Variants in CELF2 observed in about 807,000 individuals in gnomAD.
CELF2 encodes CUGBP Elav-like family member 2.
In CELF2, 8 loss-of-function variants were observed where a neutral mutation model predicts 62.6. The ratio of observed to expected loss-of-function variants is 0.13; its 90% CI spans 0.07 to 0.23. The LOEUF (loss-of-function observed/expected upper bound fraction) is 0.23. CELF2 is among the 10% of genes least tolerant of loss of function. The probability of loss-of-function intolerance (pLI) is 1.00; values close to 1 mark genes in which losing one functional copy is unlikely to be tolerated. For synonymous variants in CELF2, 258 were observed against 250.0 expected, an observed-to-expected ratio of 1.03 and a Z score of -0.30; for missense variants, 333 against 671.0, an observed-to-expected ratio of 0.50 and a Z score of 5.56.
At chr10:10,682,202 G>A in the CELF2 span, among the ~76,000 whole-genome samples, 1 of 152,134 alleles carries the variant, frequency 6.6e-6, no homozygotes, top group Non-Finnish European at 1.5e-5. Flanking sequence ...ATCAATTAAT[G>A]CAGCAATATT....
At chr10:10,819,817 G>T (rs1321339990) in intron 1 of CELF2, among the ~76,000 whole-genome samples, 1 of 152,076 alleles carries the variant, frequency 6.6e-6, no homozygotes, top group Non-Finnish European at 1.5e-5. Context: ...CCCACCCATT[G>T]TCAACTGTCT....
intron 3 of CELF2, 101 bp from the exon 4 acceptor site, chr10:11,249,052 G>T: frequency 1.1e-6 from 1 of 882,736 alleles, no homozygotes; most frequent in Non-Finnish European, 1.9e-6. Flanking sequence ...TGTCACTTAT[G>T]TGCCCTTAAA....
Position 10,983,960 on chromosome 10 carries a change from A to G in CELF2, c.89+63961A>G, listed in dbSNP as rs2136458305. On this transcript the variant is annotated intron_variant, in intron 2 of 13. Coordinates refer to the CELF2 transcript ENST00000636488. This position sits in a 1 kb window ranked among gnomAD's most constrained non-coding sequence, Gnocchi z 5.2. ...ATGTAACCTCTGAGTCAACTACTGA[A>G]CTATTAAGTTGCGAATGGAAGACTT... Among the ~76,000 whole-genome samples, 1 of 152,344 alleles carries G rather than the reference A, an allele frequency of 6.6e-6. No homozygotes were observed. The highest frequency in any genetic ancestry group is 2.4e-5 in the African/African-American group (1 of 41,580).
the CELF2 span, among the ~76,000 whole-genome samples, chr10:10,695,281 G>C: frequency 6.9e-6 from 1 of 145,130 alleles, no homozygotes; most frequent in Non-Finnish European, 1.5e-5. Context: ...AGTTTGGCTG[G>C]ATATGAAATT....
chr10:10,585,701 C>G, the CELF2 span, among the ~76,000 whole-genome samples: 2 of 152,188 alleles, frequency 1.3e-5, no homozygotes, highest in Non-Finnish European at 2.9e-5. Context: ...AGAGAAGTCT[C>G]TCTCTTCACT....
the CELF2 span, among the ~76,000 whole-genome samples, chr10:10,609,403 G>A: frequency 7.8e-6 from 1 of 127,708 alleles, no homozygotes; most frequent in South Asian, 2.3e-4. Context: ...GTGCAACATA[G>A]AAAATGGTTA....
rs186924022 is a variant in CELF2 at position 10,799,805 on chromosome 10, G to T, written c.53+988G>T. Among the ~76,000 whole-genome samples, 88 of 152,246 alleles carry T rather than the reference G, an allele frequency of 5.8e-4. 1 individual carries two copies. In the Middle Eastern group the frequency reaches 0.017, roughly 29 times the overall value. ...CTACCTTGGCAGAGTTAATTCTTGG[G>T]CTTCACTGACTGTAAATGGTATTTC... is the stretch of plus-strand genomic sequence containing the variant. On this transcript the variant is annotated intron_variant, in intron 1 of 13. Transcript: ENST00000636488.
intron 1 of CELF2, among the ~76,000 whole-genome samples, chr10:11,115,570 T>C (rs71491564): frequency 6.2e-4 from 94 of 152,300 alleles, no homozygotes; most frequent in African/African-American, 2.2e-3. Flanking sequence ...CACTGTTGAT[T>C]GGCGCCAGTG....
chr10:10,568,160 TGAA>T, the CELF2 span, among the ~76,000 whole-genome samples: 5 of 151,994 alleles, frequency 3.3e-5, no homozygotes, highest in African/African-American at 1.2e-4. Flanking sequence ...AAAGAATAAA[TGAA>T]GAAGTTGAGA....
intron 1 of CELF2, among the ~76,000 whole-genome samples, chr10:10,891,905 C>T (rs1257606775): frequency 1.3e-5 from 2 of 152,170 alleles, no homozygotes; most frequent in South Asian, 4.1e-4. Flanking sequence ...GCAAATAGCA[C>T]AGTATATACT....
rs1478522375 is a variant in CELF2 at position 11,010,272 on chromosome 10, T to G, written c.53+4832T>G. 1 of 152,216 alleles carries G rather than the reference T, an allele frequency of 6.6e-6. No individual in the cohort carries two copies. 9.4% of individuals were successfully genotyped at this position (152,216 alleles called of 1,614,324 possible). On this transcript the variant is annotated intron_variant, in intron 1 of 12. Transcript: ENST00000416382. The surrounding 1 kb of genome is among the most constrained non-coding windows in gnomAD (Gnocchi z 4.1). ...ACGAATGGAGACCCCATTCCAAGCC[T>G]CAGGATGTTCGGTGCCTGCTCTCCA...
At chr10:10,720,065 G>T in the CELF2 span, among the ~76,000 whole-genome samples, 1 of 152,112 alleles carries the variant, frequency 6.6e-6, no homozygotes, top group South Asian at 2.1e-4. Context: ...ATCCACTTGG[G>T]CTGCGTTTCA....
chr10:10,512,489 C>T, the CELF2 span, among the ~76,000 whole-genome samples: 3 of 150,630 alleles, frequency 2.0e-5, no homozygotes, highest in East Asian at 5.8e-4. Context: ...TCACTGCAAC[C>T]TCCGCCTCCC....
chr10:10,551,950 C>T, the CELF2 span, among the ~76,000 whole-genome samples: 3 of 151,720 alleles, frequency 2.0e-5, no homozygotes, highest in Non-Finnish European at 4.4e-5. Context: ...TTTCAGGGTG[C>T]TTTTTTTTCT....
Position 11,336,545 on chromosome 10 carries a change from A to AT in CELF2, c.*7497dup, listed in dbSNP as rs2096121393. On this transcript the variant is annotated 3_prime_UTR_variant, in exon 13 of 13. Transcript: ENST00000633077. This position sits in a 1 kb window ranked among gnomAD's most constrained non-coding sequence, Gnocchi z 5.4. ...TGTTGTGTGTAAAGTTAATGTGATTATTTTTCAAAGCAGTGTTTCTAAGGG... is the reference window on the plus strand; with the variant it reads ...TGTTGTGTGTAAAGTTAATGTGATTATTTTTTCAAAGCAGTGTTTCTAAGGG... The AT allele has an allele frequency of 6.6e-6, 1 of 152,600 alleles. No homozygotes were observed. Among genetic ancestry groups the AT allele is most frequent in the Admixed American group, 6.5e-5 (1 of 15,274 alleles). 9.5% of individuals were successfully genotyped at this position (152,600 alleles called of 1,614,324 possible).
At chr10:11,087,516 G>A (rs954323258) in intron 1 of CELF2, among the ~76,000 whole-genome samples, 10 of 152,206 alleles carry the variant, frequency 6.6e-5, no homozygotes, top group African/African-American at 1.9e-4. Context: ...GTCGACTGAC[G>A]TAGAACATGG....
At chr10:11,141,421 T>C (rs2061342329) in intron 1 of CELF2, among the ~76,000 whole-genome samples, 1 of 152,144 alleles carries the variant, frequency 6.6e-6, no homozygotes, top group South Asian at 2.1e-4. Flanking sequence ...GGCTATAAAA[T>C]AAGCCACAAG....
chr10:10,882,405 C>T (rs1010216272), intron 1 of CELF2, among the ~76,000 whole-genome samples: 5 of 152,230 alleles, frequency 3.3e-5, no homozygotes, highest in Non-Finnish European at 1.5e-5. Flanking sequence ...TATCTCCATT[C>T]TGTCGTGACT....
At position 11,177,404 on chromosome 10, in the gene CELF2, T is replaced by C. The variant is rs2071595989; in HGVS notation, c.271+11722T>C. Among the ~76,000 whole-genome samples, 1 of 150,524 alleles carries C rather than the reference T, an allele frequency of 6.6e-6. No homozygotes were observed. Among genetic ancestry groups the C allele is most frequent in the Non-Finnish European group, 1.5e-5 (1 of 67,908 alleles). On this transcript the variant is annotated intron_variant, in intron 2 of 12. Coordinates refer to ENST00000633077, the MANE Select transcript of CELF2 (RefSeq NM_001326342.2). The surrounding 1 kb of genome is among the most constrained non-coding windows in gnomAD (Gnocchi z 4.8). ...TGGGTGTTTGTATTTTGTTGGCTTATGTTTGCATGTGTGAATTAAAAAAAA... is the reference window on the plus strand; with the variant it reads ...TGGGTGTTTGTATTTTGTTGGCTTACGTTTGCATGTGTGAATTAAAAAAAA...
Sources: gnomAD v4.1 joint callset for allele counts (sites outside exome capture counted in the v4.1 genomes callset) on GRCh38, gnomAD v4.1.1 for gene constraint, Gnocchi (gnomAD v3.1) non-coding constraint, MANE v1.5 for transcripts, NCBI Gene and HGNC (gene_info 2026-07-23, HGNC 2026-07-21) for gene names.